The following VTI1B variants were observed in gnomAD, a reference collection of about 807,000 sequenced individuals.
The protein encoded by VTI1B is vesicle transport through interaction with t-SNAREs homolog 1B.
A neutral mutation model predicts 28.6 loss-of-function variants in VTI1B; 18 were observed. The ratio of observed to expected loss-of-function variants is 0.63; its 90% CI spans 0.43 to 0.93. The LOEUF is 0.93. Ranked by LOEUF, VTI1B falls within the 40% of genes least tolerant of loss-of-function variation. The pLI, the probability that VTI1B is intolerant of heterozygous loss-of-function variation, is 0.00. For synonymous variants in VTI1B, 100 were observed against 107.9 expected, an observed-to-expected ratio of 0.93 and a Z score of 0.46; for missense variants, 283 against 297.0, an observed-to-expected ratio of 0.95 and a Z score of 0.35.
intron 1 of VTI1B, chr14:67,662,938 T>G (rs1594838878): frequency 7.8e-7 from 1 of 1,285,594 alleles, no homozygotes. Flanking sequence ...TTACCAATAG[T>G]GACTCTCTGA....
chr14:67,652,427 CACTA>C (rs2037195542), intron 5 of VTI1B: 2 of 185,196 alleles, frequency 1.1e-5, no homozygotes, highest in Non-Finnish European at 2.4e-5. Context: ...TATGCTGTTT[CACTA>C]ACTGAGAACC....
In VTI1B at chr14:67,649,405, G is replaced by C. The variant is rs1055267448; in HGVS notation, c.*1980C>G. On this transcript the variant is annotated 3_prime_UTR_variant, in exon 6 of 6. Coordinates refer to ENST00000554659, the MANE Select transcript of VTI1B (RefSeq NM_006370.3). ...CCCAACTACTTGGGAGGTTGAGGCTGCAGTGAGCCATGATTGTGCCACTGC... is the reference window on the plus strand; with the variant it reads ...CCCAACTACTTGGGAGGTTGAGGCTCCAGTGAGCCATGATTGTGCCACTGC... 3 of 152,124 alleles carry C rather than the reference G, an allele frequency of 2.0e-5. No homozygotes were observed. The highest frequency in any genetic ancestry group is 7.2e-5 in the African/African-American group (3 of 41,392). The allele number at this position is 152,124 out of a possible 1,614,324, so 9.4% of individuals were successfully genotyped here.
chr14:67,655,913 T>C (rs2037249228), intron 4 of VTI1B, among the ~76,000 whole-genome samples: 2 of 151,908 alleles, frequency 1.3e-5, no homozygotes, highest in Admixed American at 6.6e-5. Context: ...AGGGGTAAAA[T>C]TGCTTCTAAG....
Position 67,656,501 on chromosome 14 carries a change from A to G in VTI1B, c.455T>C (p.Ile152Thr). The change falls in exon 4 of 6, where the codon ATT becomes ACT. Residue 152 changes from isoleucine (I) to threonine (T), a missense_variant. Transcript: ENST00000554659. ...GCCAATCTGGTCAGTCTCTGTGGCA[A>G]TCCGATGAGAACGTTCAATACTTTG... is the stretch of plus-strand genomic sequence containing the variant. ...ATQSIERSHR[I>T]ATETDQIGSE... The G allele has an allele frequency of 6.2e-7, 1 of 1,613,868 alleles. No individual in the cohort carries two copies.
chr14:67,672,181 C>T (rs1407658723), intron 1 of VTI1B, among the ~76,000 whole-genome samples: 1 of 149,512 alleles, frequency 6.7e-6, no homozygotes, highest in Non-Finnish European at 1.5e-5. Flanking sequence ...TGCAGTGGTG[C>T]GATCTTGGCT....
chr14:67,653,506 G>A lies in VTI1B; in HGVS notation c.541-8C>T, dbSNP rs372724071. 387 of 1,612,248 alleles carry A rather than the reference G, an allele frequency of 2.4e-4. No homozygotes were observed. The highest frequency in any genetic ancestry group is 9.9e-4 in the Middle Eastern group (6 of 6,060). ...TTCACTTGTGTTTACCAGCTGAGAAGAGAAAATAGTGATTATTTCCCTCTT... is the reference window on the plus strand; with the variant it reads ...TTCACTTGTGTTTACCAGCTGAGAAAAGAAAATAGTGATTATTTCCCTCTT... On this transcript the variant is annotated splice_region_variant and splice_polypyrimidine_tract_variant and intron_variant, in intron 4 of 5. Transcript: ENST00000554659.
Position 67,674,451 on chromosome 14 carries a change from C to T in VTI1B, c.39G>A (p.Lys13=). 1 of 1,609,382 alleles carries T rather than the reference C, an allele frequency of 6.2e-7. No individual in the cohort carries two copies. Among genetic ancestry groups the T allele is most frequent in the Non-Finnish European group, 8.5e-7 (1 of 1,178,872 alleles). The change falls in exon 1 of 6, where the codon AAG becomes AAA. Residue 13 remains lysine (K), a synonymous_variant. Transcript: ENST00000554659. ...GGAGGCCGCGGAAGATCTCGTGCAG[C>T]TTCTCGAAATGCTCCGAGGAGGCGG... ...SSAASSEHFE[K]LHEIFRGLHE...
At chr14:67,659,252 C>T (rs1223310335) in intron 3 of VTI1B, among the ~76,000 whole-genome samples, 1 of 152,068 alleles carries the variant, frequency 6.6e-6, no homozygotes, top group Non-Finnish European at 1.5e-5. Flanking sequence ...GTTGCTGGGC[C>T]ATCTTGACAT....
intron 1 of VTI1B, 40 bp downstream of exon 1, chr14:67,674,335 A>C: frequency 6.6e-7 from 1 of 1,514,598 alleles, no homozygotes; most frequent in Non-Finnish European, 8.9e-7. Flanking sequence ...CAAAGCGCGC[A>C]GGGCTGCGCT....
intron 1 of VTI1B, among the ~76,000 whole-genome samples, chr14:67,672,138 T>G (rs12101264): frequency 0.089 from 12,540 of 140,668 alleles, 673 homozygotes; most frequent in East Asian, 0.24. Context: ...TTTTTTTTTT[T>G]GGGAGAGTCT....
intron 1 of VTI1B, among the ~76,000 whole-genome samples, chr14:67,674,033 T>C (rs2037501657): frequency 6.6e-6 from 1 of 152,212 alleles, no homozygotes; most frequent in Non-Finnish European, 1.5e-5. Context: ...TTGAGACTAG[T>C]GCTTTTAAAT....
chr14:67,653,645 A>G, intron 4 of VTI1B, 147 bp from the exon 5 acceptor site: 2 of 658,954 alleles, frequency 3.0e-6, no homozygotes, highest in Non-Finnish European at 5.2e-6. Flanking sequence ...CTTTGAGTGT[A>G]AGTAGAAGAA....
chr14:67,648,039 C>G lies in VTI1B; in HGVS notation c.*3346G>C. 3 of 1,603,274 alleles carry G rather than the reference C, an allele frequency of 1.9e-6. No homozygotes were observed. Among genetic ancestry groups the G allele is most frequent in the Non-Finnish European group, 2.6e-6 (3 of 1,174,108 alleles). The stretch of plus-strand genomic sequence containing the variant: ...TTTTAAGTATTATTTTATCCTCTTC[C>G]TTTTTAGGAGACAAAGACCAATCCA... On this transcript the variant is annotated 3_prime_UTR_variant, in exon 6 of 6. Coordinates refer to ENST00000554659, the MANE Select transcript of VTI1B (RefSeq NM_006370.3).
At chr14:67,670,963 T>A (rs2140034505) in intron 1 of VTI1B, among the ~76,000 whole-genome samples, 1 of 152,364 alleles carries the variant, frequency 6.6e-6, no homozygotes, top group South Asian at 2.1e-4. Flanking sequence ...GACTGTATTA[T>A]GTACATTATG....
chr14:67,656,053 C>T (rs1039364648), intron 4 of VTI1B, among the ~76,000 whole-genome samples: 1 of 152,130 alleles, frequency 6.6e-6, no homozygotes, highest in African/African-American at 2.4e-5. Context: ...CGAGACCAGC[C>T]TGGCCAACAT....
chr14:67,658,497 T>G (rs1179945638), intron 3 of VTI1B, among the ~76,000 whole-genome samples: 1 of 152,136 alleles, frequency 6.6e-6, no homozygotes, highest in Non-Finnish European at 1.5e-5. Flanking sequence ...CTTGGGAGGC[T>G]GAGGCAGGAG....
intron 4 of VTI1B, among the ~76,000 whole-genome samples, chr14:67,654,793 G>A (rs550316243): frequency 6.6e-6 from 1 of 152,126 alleles, no homozygotes; most frequent in East Asian, 1.9e-4. Context: ...ACTTTGGGAG[G>A]CTGAGGCGGG....
intron 4 of VTI1B, among the ~76,000 whole-genome samples, chr14:67,654,901 C>T (rs376236204): frequency 4.0e-5 from 6 of 151,868 alleles, no homozygotes; most frequent in Admixed American, 6.6e-5. Context: ...TGGTGGCAGA[C>T]GCCTGTAGTC....
chr14:67,669,639 C>T (rs935714282), intron 1 of VTI1B, among the ~76,000 whole-genome samples: 5 of 152,296 alleles, frequency 3.3e-5, no homozygotes, highest in African/African-American at 1.2e-4. Flanking sequence ...CTCTGTTCTA[C>T]AGGTACCTTT....
Sources: allele counts gnomAD v4.1 joint callset (sites outside exome capture counted in the v4.1 genomes callset), GRCh38; gene constraint gnomAD v4.1.1; transcripts MANE v1.5; gene names NCBI Gene and HGNC (gene_info 2026-07-23, HGNC 2026-07-21).